DUSP18: variants seen among roughly 807,000 people sequenced by gnomAD.
DUSP18 encodes the protein dual specificity phosphatase 18.
Under a neutral mutation model 6.3 loss-of-function variants are expected in DUSP18, and 4 were observed. The ratio of observed to expected loss-of-function variants is 0.63; its 90% confidence interval spans 0.31 to 1.45. DUSP18 has a LOEUF of 1.45. DUSP18 is among the 40% of genes most tolerant of loss of function. The pLI, the probability that DUSP18 is intolerant of heterozygous loss-of-function variation, is 0.07. For synonymous variants in DUSP18, 96 were observed against 95.1 expected (o/e 1.01, Z -0.05); for missense variants, 235 against 247.7 (o/e 0.95, Z 0.34).
intron 2 of DUSP18, chr22:30,653,891 C>T (rs1249349727): frequency 6.2e-6 from 1 of 162,438 alleles, no homozygotes; most frequent in African/African-American, 2.4e-5. Flanking sequence ...AGCAGGAGTC[C>T]ATGGGTCTTG....
chr22:30,660,112 G>C (rs192998310), downstream of DUSP18, among the ~76,000 whole-genome samples: 49 of 152,300 alleles, frequency 3.2e-4, no homozygotes, highest in Admixed American at 6.5e-4. Context: ...AACACATTTG[G>C]TTTTGGCCGT....
In DUSP18 at chr22:30,663,684, C is replaced by G. The variant is rs2088554898; in HGVS notation, c.320G>C (p.Gly107Ala). The change falls in exon 2 of 2, where the codon GGT becomes GCT. Residue 107 changes from glycine (G) to alanine (A), a missense_variant. Physicochemically the swap from Gly to Ala is moderately conservative, Grantham distance 60 (BLOSUM62 0). Transcript: ENST00000334679. ...QGRTLLHCAA[G>A]VSRSAALCLA... Reference sequence around the variant, plus strand: ...GCACAGGGCAGCTGAGCGGCTCACACCAGCAGCACAGTGCAGCAAAGTACG... The same window carrying G: ...GCACAGGGCAGCTGAGCGGCTCACAGCAGCAGCACAGTGCAGCAAAGTACG... 6.2e-7 allele frequency: 1 copy of G among 1,614,232 alleles called. No homozygotes were observed. The highest frequency in any genetic ancestry group is 8.5e-7 in the Non-Finnish European group (1 of 1,180,036).
downstream of DUSP18, among the ~76,000 whole-genome samples, chr22:30,656,820 A>T (rs993219916): frequency 6.6e-6 from 1 of 152,336 alleles, no homozygotes; most frequent in Non-Finnish European, 1.5e-5. Context: ...AAAGAGAGTT[A>T]AAAAGGAGGA....
chr22:30,659,913 T>G (rs1325477531), downstream of DUSP18, among the ~76,000 whole-genome samples: 1 of 152,170 alleles, frequency 6.6e-6, no homozygotes. Context: ...GTGAGAAGAA[T>G]TCAACCTATT....
Position 30,664,020 on chromosome 22 carries a change from T to C in DUSP18, c.-17A>G. ...TGCTGTCATCAAGGCGGTGGGTCAG[T>C]GGTCAGCAGTCAGCGAAGCACGAAG... On this transcript the variant is annotated 5_prime_UTR_variant, in exon 2 of 2. Coordinates refer to ENST00000334679, the MANE Select transcript of DUSP18 (RefSeq NM_152511.5). 6.2e-7 allele frequency: 1 copy of C among 1,603,376 alleles called. No individual in the cohort carries two copies. The highest frequency in any genetic ancestry group is 1.1e-5 in the South Asian group (1 of 90,416).
chr22:30,664,255 C>T (rs1182662225), intron 1 of DUSP18, among the ~76,000 whole-genome samples, 175 bp from the exon 2 acceptor site: 4 of 152,190 alleles, frequency 2.6e-5, no homozygotes, highest in Admixed American at 2.0e-4. Flanking sequence ...CCTCTCCAAA[C>T]CCACAGTCAG....
chr22:30,659,710 T>A (rs2054291157), downstream of DUSP18, among the ~76,000 whole-genome samples: 1 of 152,238 alleles, frequency 6.6e-6, no homozygotes, highest in Admixed American at 6.5e-5. Flanking sequence ...ATGATGTTTC[T>A]GACCTATTCC....
At position 30,663,684 on chromosome 22, in the gene DUSP18, C is replaced by T; in HGVS notation, c.320G>A (p.Gly107Asp). ...QGRTLLHCAA[G>D]VSRSAALCLA... is the part of the protein sequence containing the mutation. The stretch of plus-strand genomic sequence containing the variant: ...GCACAGGGCAGCTGAGCGGCTCACA[C>T]CAGCAGCACAGTGCAGCAAAGTACG... Residue 107 changes from glycine (G) to aspartate (D), a missense_variant, in exon 2 of 2, where the codon GGT (glycine) becomes GAT (aspartate). Transcript: ENST00000334679. 1.2e-6 allele frequency: 2 copies of T among 1,614,232 alleles called. No homozygotes were observed. The highest frequency in any genetic ancestry group is 1.7e-6 in the Non-Finnish European group (2 of 1,180,036).
Position 30,663,377 on chromosome 22 carries a change from G to GTTCAAGTAGAATGTTCAA in DUSP18, c.*59_*60insTTGAACATTCTACTTGAA, listed in dbSNP as rs1362188246. The GTTCAAGTAGAATGTTCAA allele has an allele frequency of 2.0e-6, 3 of 1,476,246 alleles. No individual in the cohort carries two copies. In the East Asian group the frequency reaches 6.9e-5, roughly 34 times the overall value. 91.4% of individuals were successfully genotyped at this position (1,476,246 alleles called of 1,614,324 possible). Reference sequence around the variant, plus strand: ...AGTAGAATGTTCAAGTTTGGATCTTGGTGTAAGATCAACAATAGATCTGTA... The same window carrying GTTCAAGTAGAATGTTCAA: ...AGTAGAATGTTCAAGTTTGGATCTTGTTCAAGTAGAATGTTCAAGTGTAAGATCAACAATAGATCTGTA... On this transcript the variant is annotated 3_prime_UTR_variant, in exon 2 of 2. Transcript: ENST00000334679.
Position 30,661,539 on chromosome 22 carries a change from C to G in DUSP18, c.*1898G>C, listed in dbSNP as rs1048349534. 2 of 150,762 alleles carry G rather than the reference C, an allele frequency of 1.3e-5. No homozygotes were observed. Among genetic ancestry groups the G allele is most frequent in the African/African-American group, 4.9e-5 (2 of 41,048 alleles). 9.3% of individuals were successfully genotyped at this position (150,762 alleles called of 1,614,324 possible). On this transcript the variant is annotated 3_prime_UTR_variant, in exon 2 of 2. Coordinates refer to ENST00000334679, the MANE Select transcript of DUSP18 (RefSeq NM_152511.5). ...GCTCGGCTCACTGCAACCTCCGCCTCCTGGGTTCAAGCAATTCTCCTGCCT... is the reference window on the plus strand; with the variant it reads ...GCTCGGCTCACTGCAACCTCCGCCTGCTGGGTTCAAGCAATTCTCCTGCCT...
chr22:30,657,906 AAATAATAATAATAATAATAAT>A (rs56297954), downstream of DUSP18, among the ~76,000 whole-genome samples: 24 of 129,960 alleles, frequency 1.8e-4, no homozygotes, highest in African/African-American at 3.4e-4. Flanking sequence ...TCTGTCTCAA[AAATAATAATAATAATAATAAT>A]AATAATAATA....
chr22:30,664,844 G>A (rs1254009030), intron 1 of DUSP18: 1 of 152,508 alleles, frequency 6.6e-6, no homozygotes, highest in African/African-American at 2.4e-5. Flanking sequence ...CAACCCCAGG[G>A]ACAAGCACAG....
intron 1 of DUSP18, 107 bp from the exon 2 acceptor site, chr22:30,664,187 T>C: frequency 1.6e-6 from 1 of 613,014 alleles, no homozygotes; most frequent in East Asian, 2.8e-5. Flanking sequence ...AAGGCAGTCC[T>C]CTGACCATCA....
At chr22:30,659,460 G>A (rs529383788), downstream of DUSP18, among the ~76,000 whole-genome samples, 18 of 151,826 alleles carry the variant, frequency 1.2e-4, no homozygotes, top group African/African-American at 3.1e-4. Context: ...TGCAACCTCC[G>A]CCTCCTGGGT....
chr22:30,664,595 T>C (rs1021925089), intron 1 of DUSP18, among the ~76,000 whole-genome samples: 13 of 152,224 alleles, frequency 8.5e-5, no homozygotes, highest in South Asian at 4.1e-4. Context: ...GCCAGTGGCA[T>C]GGAACCAGAG....
At position 30,662,843 on chromosome 22, in the gene DUSP18, A is replaced by G. The variant is rs1025374090; in HGVS notation, c.*594T>C. ...GACAGTTTCAAAAAAAGACAAAAAA[A>G]AATTTACACAGTGGAATGCTTTCTT... On this transcript the variant is annotated 3_prime_UTR_variant, in exon 2 of 2. Coordinates refer to ENST00000334679, the MANE Select transcript of DUSP18 (RefSeq NM_152511.5). 2 of 152,608 alleles carry G rather than the reference A, an allele frequency of 1.3e-5. No individual in the cohort carries two copies. The highest frequency in any genetic ancestry group is 1.5e-5 in the Non-Finnish European group (1 of 68,384). The allele number at this position is 152,608 out of a possible 1,614,324, so 9.5% of individuals were successfully genotyped here.
chr22:30,659,123 C>CAA (rs35939188), downstream of DUSP18, among the ~76,000 whole-genome samples: 35 of 104,702 alleles, frequency 3.3e-4, no homozygotes, highest in African/African-American at 6.1e-4. Context: ...GACTCCATCT[C>CAA]AAAAAAAAAA....
At position 30,663,947 on chromosome 22, in the gene DUSP18, G is replaced by A; in HGVS notation, c.57C>T (p.Gly19=). The change falls in exon 2 of 2, where the codon GGC becomes GGT. Residue 19 remains glycine (G), a synonymous_variant. Coordinates refer to ENST00000334679, the MANE Select transcript of DUSP18 (RefSeq NM_152511.5). ...PVQFRQPSVS[G]LSQITKSLYI... ...ACAGGCTTTTGGTTATCTGCGAGAG[G>A]CCGCTGACTGAGGGCTGCCGGAACT... 1 of 1,614,200 alleles carries A rather than the reference G, an allele frequency of 6.2e-7. No homozygotes were observed. The highest frequency in any genetic ancestry group is 1.3e-5 in the African/African-American group (1 of 75,050).
In DUSP18 at chr22:30,661,795, T is replaced by C. The variant is rs1393158873; in HGVS notation, c.*1642A>G. On this transcript the variant is annotated 3_prime_UTR_variant, in exon 2 of 2. Transcript: ENST00000334679. ...TCCAGGGCCTACTGATGGAGTCCACTAGTTAGTCCCTTTGACACGGCCCCC... is the reference window on the plus strand; with the variant it reads ...TCCAGGGCCTACTGATGGAGTCCACCAGTTAGTCCCTTTGACACGGCCCCC... The C allele has an allele frequency of 6.6e-6, 1 of 152,196 alleles. No individual in the cohort carries two copies. The highest frequency in any genetic ancestry group is 1.5e-5 in the Non-Finnish European group (1 of 68,042). The allele number at this position is 152,196 out of a possible 1,614,324, so 9.4% of individuals were successfully genotyped here.
Sources: gnomAD v4.1 joint callset for allele counts (sites outside exome capture counted in the v4.1 genomes callset) on GRCh38, gnomAD v4.1.1 for gene constraint, MANE v1.5 for transcripts, NCBI Gene and HGNC (gene_info 2026-07-23, HGNC 2026-07-21) for gene names.